IFI27L1: variants seen among roughly 807,000 people sequenced by gnomAD.
IFI27L1 encodes interferon alpha inducible protein 27 like 1, also known as interferon alpha-inducible protein 27-like protein 1.
A neutral mutation model predicts 9.2 loss-of-function variants in IFI27L1; 3 were observed. That is an observed-to-expected ratio of 0.32 (90% confidence interval 0.15 to 0.84). The LOEUF is 0.84. Among genes scored for constraint, IFI27L1 ranks in the 40% least tolerant of loss-of-function variants. The probability of loss-of-function intolerance (pLI) is 0.56; values close to 1 mark genes in which losing one functional copy is unlikely to be tolerated. For synonymous variants in IFI27L1, 53 were observed against 50.0 expected (o/e 1.06, Z -0.26); for missense variants, 133 against 134.2 (o/e 0.99, Z 0.05).
chr14:94,082,287 G>C (rs1307485955), intron 1 of IFI27L1, among the ~76,000 whole-genome samples: 1 of 151,682 alleles, frequency 6.6e-6, no homozygotes, highest in African/African-American at 2.4e-5. Context: ...GGAAGCTATA[G>C]AAGTTTGAAG....
intron 2 of IFI27L1, among the ~76,000 whole-genome samples, chr14:94,098,954 C>T (rs542185824): frequency 9.2e-5 from 14 of 152,342 alleles, no homozygotes; most frequent in South Asian, 8.3e-4. Flanking sequence ...TGCCTAACCA[C>T]GGTGCCATTC....
chr14:94,100,377 C>T, intron 2 of IFI27L1: 2 of 985,382 alleles, frequency 2.0e-6, no homozygotes, highest in Non-Finnish European at 2.4e-6. Flanking sequence ...GCCTAAGCAC[C>T]CCAGTCCCTG....
At chr14:94,085,059 G>T (rs1033223761) in intron 1 of IFI27L1, among the ~76,000 whole-genome samples, 1 of 152,188 alleles carries the variant, frequency 6.6e-6, no homozygotes, top group African/African-American at 2.4e-5. Flanking sequence ...GTTTCCAAGG[G>T]ACCCATGCAG....
At chr14:94,091,358 TAC>T (rs1886467379) in intron 1 of IFI27L1, among the ~76,000 whole-genome samples, 1 of 152,234 alleles carries the variant, frequency 6.6e-6, no homozygotes, top group Admixed American at 6.5e-5. Flanking sequence ...ATTAGTAGCA[TAC>T]ACTAAGTCAT....
At chr14:94,094,224 A>T (rs1886587037) in intron 1 of IFI27L1, among the ~76,000 whole-genome samples, 1 of 152,116 alleles carries the variant, frequency 6.6e-6, no homozygotes, top group Non-Finnish European at 1.5e-5. Flanking sequence ...CGAGGTATTA[A>T]CTGCTACTCT....
At chr14:94,094,214 C>T (rs955792918) in intron 1 of IFI27L1, among the ~76,000 whole-genome samples, 2 of 152,140 alleles carry the variant, frequency 1.3e-5, no homozygotes, top group Non-Finnish European at 1.5e-5. Flanking sequence ...TTTGGCACTA[C>T]GAGGTATTAA....
At chr14:94,085,055 A>G (rs573894437) in intron 1 of IFI27L1, among the ~76,000 whole-genome samples, 1 of 152,300 alleles carries the variant, frequency 6.6e-6, no homozygotes, top group Admixed American at 6.5e-5. Flanking sequence ...CCCAGTTTCC[A>G]AGGGACCCAT....
chr14:94,088,329 A>G, intron 1 of IFI27L1: 1 of 702,278 alleles, frequency 1.4e-6, no homozygotes, highest in Non-Finnish European at 2.6e-6. Context: ...ACTGGCATAG[A>G]TGCCCCAGAG....
intron 2 of IFI27L1, 91 bp downstream of exon 2, chr14:94,097,056 C>A (rs1886700308): frequency 1.0e-6 from 1 of 999,324 alleles, no homozygotes; most frequent in African/African-American, 1.6e-5. Flanking sequence ...TTATGTCAAC[C>A]CCAAATAACA....
Position 94,101,802 on chromosome 14 carries a change from C to T in IFI27L1, c.62-12C>T. The T allele has an allele frequency of 1.2e-6, 2 of 1,614,096 alleles. No individual in the cohort carries two copies. The highest frequency in any genetic ancestry group is 8.5e-7 in the Non-Finnish European group (1 of 1,179,966). On this transcript the variant is annotated splice_polypyrimidine_tract_variant and intron_variant, in intron 3 of 4. Coordinates refer to ENST00000555523, the MANE Select transcript of IFI27L1 (RefSeq NM_206949.3). Reference sequence around the variant, plus strand: ...TCCCATGGGGCCAACCCCAAATCTCCACTTCCCGCAGTTGTGGCTGTGGGG... The same window carrying T: ...TCCCATGGGGCCAACCCCAAATCTCTACTTCCCGCAGTTGTGGCTGTGGGG...
intron 2 of IFI27L1, chr14:94,100,501 C>A: frequency 1.0e-6 from 1 of 985,368 alleles, no homozygotes; most frequent in South Asian, 4.7e-5. Flanking sequence ...CAAGGCTGGG[C>A]AGAGGAGACA....
chr14:94,096,720 C>A, intron 1 of IFI27L1, 167 bp from the exon 2 acceptor site: 3 of 435,900 alleles, frequency 6.9e-6, no homozygotes, highest in Non-Finnish European at 8.3e-6. Flanking sequence ...AAAGGCTATG[C>A]TTTAAATACT....
At chr14:94,084,828 GA>G (rs1886225161) in intron 1 of IFI27L1, among the ~76,000 whole-genome samples, 1 of 152,168 alleles carries the variant, frequency 6.6e-6, no homozygotes, top group African/African-American at 2.4e-5. Context: ...GCCTCAGAAA[GA>G]AAAACAGGCA....
chr14:94,086,256 G>A (rs1461472776), intron 1 of IFI27L1, among the ~76,000 whole-genome samples: 2 of 152,172 alleles, frequency 1.3e-5, no homozygotes, highest in Non-Finnish European at 2.9e-5. Context: ...CTTCTGCCAT[G>A]ATCGTAAGCT....
At chr14:94,089,485 G>A (rs1886396940) in intron 1 of IFI27L1, among the ~76,000 whole-genome samples, 1 of 152,156 alleles carries the variant, frequency 6.6e-6, no homozygotes, top group Non-Finnish European at 1.5e-5. Context: ...AGTATATAAT[G>A]AGCAATGAGG....
chr14:94,094,132 T>C (rs577786213), intron 1 of IFI27L1, among the ~76,000 whole-genome samples: 8 of 152,152 alleles, frequency 5.3e-5, no homozygotes, highest in African/African-American at 1.7e-4. Flanking sequence ...AATTTAGGAA[T>C]GTTAGAGTCC....
intron 1 of IFI27L1, among the ~76,000 whole-genome samples, chr14:94,085,564 G>C (rs1886254875): frequency 6.6e-6 from 1 of 152,148 alleles, no homozygotes; most frequent in South Asian, 2.1e-4. Context: ...ACATCCCACA[G>C]TGTTAAGTAG....
chr14:94,099,318 A>G (rs1202896962), intron 2 of IFI27L1, among the ~76,000 whole-genome samples: 3 of 151,906 alleles, frequency 2.0e-5, no homozygotes, highest in Non-Finnish European at 2.9e-5. Context: ...TGCTGGTGAG[A>G]GCAGGGGGAC....
At position 94,102,617 on chromosome 14, in the gene IFI27L1, C is replaced by T; in HGVS notation, c.*49C>T. On this transcript the variant is annotated 3_prime_UTR_variant, in exon 5 of 5. Transcript: ENST00000555523. ...GGCTCTCTTGGTGGAGATGACTTTC[C>T]TGGGCCTCTGGATGACAATCTTCCA... 2.8e-6 allele frequency: 3 copies of T among 1,064,940 alleles called. No individual in the cohort carries two copies. The highest frequency in any genetic ancestry group is 1.3e-6 in the Non-Finnish European group (1 of 745,654). 66.0% of individuals were successfully genotyped at this position (1,064,940 alleles called of 1,614,324 possible). A position where few individuals can be genotyped will look rare whatever the true frequency, so the allele number is the denominator to read the frequency against.
Sources: allele counts gnomAD v4.1 joint callset (sites outside exome capture counted in the v4.1 genomes callset), GRCh38; gene constraint gnomAD v4.1.1; transcripts MANE v1.5; gene names NCBI Gene and HGNC (gene_info 2026-07-23, HGNC 2026-07-21).